ACSM1: variants seen among roughly 807,000 people sequenced by gnomAD.
The protein encoded by ACSM1 is acyl-CoA synthetase medium chain family member 1, also known as acyl-coenzyme A synthetase ACSM1, mitochondrial.
A neutral mutation model predicts 75.8 loss-of-function variants in ACSM1; 79 were observed. The observed-to-expected ratio is 1.04, with a 90% CI of 0.87 to 1.26. The LOEUF (loss-of-function observed/expected upper bound fraction) is 1.26. Among genes scored for constraint, ACSM1 ranks in the 50% most tolerant of loss-of-function variants. ACSM1 has a pLI of 0.00. For missense variants in ACSM1, 676 were observed against 720.1 expected, an observed-to-expected ratio of 0.94 and a Z score of 0.70; for synonymous variants, 279 against 265.8, an observed-to-expected ratio of 1.05 and a Z score of -0.48.
At chr16:20,685,031 C>T (rs958554035) in intron 3 of ACSM1, among the ~76,000 whole-genome samples, 162 bp downstream of exon 3, 1 of 152,192 alleles carries the variant, frequency 6.6e-6, no homozygotes, top group African/African-American at 2.4e-5. Flanking sequence ...CTGATAATTC[C>T]CACAGGGCAG....
At chr16:20,635,817 T>A (rs1365219981) in intron 10 of ACSM1, among the ~76,000 whole-genome samples, 1 of 152,056 alleles carries the variant, frequency 6.6e-6, no homozygotes, top group East Asian at 1.9e-4. Context: ...TCTTTTGTAT[T>A]TTTAGTGGAG....
chr16:20,644,003 T>A (rs1300165675), intron 7 of ACSM1, among the ~76,000 whole-genome samples: 1 of 152,174 alleles, frequency 6.6e-6, no homozygotes, highest in African/African-American at 2.4e-5. Context: ...GGTGTTTTTT[T>A]ACAGAGTGCT....
intron 4 of ACSM1, among the ~76,000 whole-genome samples, chr16:20,677,520 A>G (rs1217641652): frequency 6.6e-6 from 1 of 152,208 alleles, no homozygotes; most frequent in Non-Finnish European, 1.5e-5. Flanking sequence ...CTTGCTCCTC[A>G]TCAAGTCAGT....
intron 4 of ACSM1, chr16:20,682,055 G>C (rs2079456732): frequency 1.8e-6 from 1 of 543,078 alleles, no homozygotes; most frequent in Non-Finnish European, 3.3e-6. Flanking sequence ...CCCCTGCACA[G>C]ATCTCCCCTC....
intron 2 of ACSM1, among the ~76,000 whole-genome samples, chr16:20,686,691 G>T (rs2079559129): frequency 6.6e-6 from 1 of 152,108 alleles, no homozygotes; most frequent in Non-Finnish European, 1.5e-5. Context: ...GCACACACCT[G>T]TGGTCCCAGC....
rs551356907 is a variant in ACSM1 at position 20,686,121 on chromosome 16, G to A, written c.193-718C>T. Among the ~76,000 whole-genome samples, 157 of 152,166 alleles carry A rather than the reference G, an allele frequency of 1.0e-3. 1 individual carries two copies. Among genetic ancestry groups the A allele is most frequent in the African/African-American group, 3.5e-3 (145 of 41,508 alleles). Reference sequence around the variant, plus strand: ...TTATTTACATAAAGCATGTAAGAGTGCCTGTCACATAGTAAATGCTCAATA... The same window carrying A: ...TTATTTACATAAAGCATGTAAGAGTACCTGTCACATAGTAAATGCTCAATA... On this transcript the variant is annotated intron_variant, in intron 2 of 13. Coordinates refer to ENST00000520010, the MANE Select transcript of ACSM1 (RefSeq NM_001318890.3).
intron 11 of ACSM1, 49 bp downstream of exon 11, chr16:20,627,140 T>C (rs2016975106): frequency 6.8e-7 from 1 of 1,478,338 alleles, no homozygotes; most frequent in Admixed American, 2.6e-5. Flanking sequence ...CAAAATTCCG[T>C]GAGGCATGTG....
chr16:20,664,910 T>C (rs753466306), intron 6 of ACSM1, among the ~76,000 whole-genome samples: 7 of 152,050 alleles, frequency 4.6e-5, no homozygotes, highest in Non-Finnish European at 8.8e-5. Flanking sequence ...AACTCTTGGG[T>C]GAACAAGAAG....
At chr16:20,674,020 G>A (rs940299765) in intron 4 of ACSM1, 35 of 414,612 alleles carry the variant, frequency 8.4e-5, no homozygotes, top group Middle Eastern at 6.9e-4. Flanking sequence ...CATAAGTGAG[G>A]TTTCTGACAA....
intron 10 of ACSM1, among the ~76,000 whole-genome samples, chr16:20,631,694 T>A (rs163243): frequency 0.29 from 44,550 of 152,058 alleles, 7,973 homozygotes; most frequent in African/African-American, 0.5. Flanking sequence ...CATAAAAAGC[T>A]GTGAAATCAT....
At chr16:20,659,465 AC>A in intron 7 of ACSM1, among the ~76,000 whole-genome samples, 1 of 152,258 alleles carries the variant, frequency 6.6e-6, no homozygotes, top group South Asian at 2.1e-4. Flanking sequence ...GGGGAGTCAT[AC>A]CTTACAAACC....
Position 20,685,456 on chromosome 16 carries a change from C to T in ACSM1, c.193-53G>A, listed in dbSNP as rs2152319682. ...TTTTCTGCTTCAAAGAAAAAGGGCA[C>T]TTAGTAAACTAATCCACAGCCATAG... is the stretch of plus-strand genomic sequence containing the variant. On this transcript the variant is annotated intron_variant, in intron 2 of 13. Transcript: ENST00000520010. 3 of 1,509,762 alleles carry T rather than the reference C, an allele frequency of 2.0e-6. 1 individual carries two copies. In the East Asian group the frequency reaches 6.8e-5, roughly 34 times the overall value. The allele number at this position is 1,509,762 out of a possible 1,614,324, so 93.5% of individuals were successfully genotyped here. A position where few individuals can be genotyped will look rare whatever the true frequency, so the allele number is the denominator to read the frequency against.
At chr16:20,629,438 A>G (rs1053367700) in intron 10 of ACSM1, among the ~76,000 whole-genome samples, 6 of 152,244 alleles carry the variant, frequency 3.9e-5, no homozygotes, top group Admixed American at 2.0e-4. Context: ...AATATAAACA[A>G]AAGAAAATCA....
At chr16:20,640,701 T>C (rs163234) in intron 7 of ACSM1, 117 bp from the exon 8 acceptor site, 564,154 of 1,490,510 alleles carry the variant, frequency 0.38, 121,748 homozygotes, top group East Asian at 0.88. Flanking sequence ...TCTTATTTAC[T>C]TTTTGGTCAT....
At chr16:20,685,847 C>CAAAAAAAAAAAAA (rs1491230287) in intron 2 of ACSM1, among the ~76,000 whole-genome samples, 1 of 91,032 alleles carries the variant, frequency 1.1e-5, no homozygotes, top group Non-Finnish European at 2.2e-5. Flanking sequence ...AAAAAAAAAA[C>CAAAAAAAAAAAAA]AAAAAACTTA....
At chr16:20,692,290 C>T (rs1167204118) in intron 1 of ACSM1, among the ~76,000 whole-genome samples, 1 of 152,132 alleles carries the variant, frequency 6.6e-6, no homozygotes, top group Non-Finnish European at 1.5e-5. Context: ...GTTTTATATA[C>T]TTTAGGAAGG....
intron 7 of ACSM1, among the ~76,000 whole-genome samples, chr16:20,655,263 G>T (rs1270871473): frequency 1.8e-5 from 2 of 108,120 alleles, no homozygotes; most frequent in East Asian, 6.8e-4. Flanking sequence ...TGGGGGGAGG[G>T]GGGAGGGAGC....
intron 7 of ACSM1, among the ~76,000 whole-genome samples, chr16:20,656,616 A>G (rs1451600575): frequency 6.6e-6 from 1 of 152,212 alleles, no homozygotes; most frequent in African/African-American, 2.4e-5. Context: ...AATGAAGGAT[A>G]GTAACTCTCC....
chr16:20,665,668 C>T (rs1464931197), intron 6 of ACSM1, among the ~76,000 whole-genome samples: 1 of 152,056 alleles, frequency 6.6e-6, no homozygotes, highest in African/African-American at 2.4e-5. Flanking sequence ...CAAAATATGG[C>T]AGAGATACAA....
Sources: allele counts gnomAD v4.1 joint callset (sites outside exome capture counted in the v4.1 genomes callset), GRCh38; gene constraint gnomAD v4.1.1; transcripts MANE v1.5; gene names NCBI Gene and HGNC (gene_info 2026-07-23, HGNC 2026-07-21).